The following EFEMP1 variants were observed in gnomAD, a reference collection of about 807,000 sequenced individuals.
EFEMP1 encodes EGF-containing fibulin-like extracellular matrix protein 1.
EFEMP1 carries 18 observed loss-of-function variants against 65.7 expected under a neutral mutation model. The observed-to-expected ratio is 0.27, with a 90% CI of 0.19 to 0.41. The LOEUF (loss-of-function observed/expected upper bound fraction) is 0.41, where lower values mean the gene tolerates loss of function less well. EFEMP1 is among the 10% of genes least tolerant of loss of function. The probability of loss-of-function intolerance (pLI) is 1.00; values close to 1 mark genes in which losing one functional copy is unlikely to be tolerated. For missense variants in EFEMP1, 469 were observed against 624.8 expected, an observed-to-expected ratio of 0.75 and a Z score of 2.66; for synonymous variants, 237 against 219.7, an observed-to-expected ratio of 1.08 and a Z score of -0.70.
chr2:55,898,626 T>C (rs1022198344), intron 5 of EFEMP1, among the ~76,000 whole-genome samples: 7 of 152,136 alleles, frequency 4.6e-5, no homozygotes, highest in African/African-American at 1.7e-4. Flanking sequence ...TGTAAATGTA[T>C]TTTTTTCCTC....
intron 5 of EFEMP1, among the ~76,000 whole-genome samples, chr2:55,914,488 G>T (rs1670602689): frequency 6.6e-6 from 1 of 152,096 alleles, no homozygotes; most frequent in African/African-American, 2.4e-5. Flanking sequence ...ATAAAATAGT[G>T]TACATTTAAA....
chr2:55,913,317 T>A (rs1383090014), intron 5 of EFEMP1, among the ~76,000 whole-genome samples: 3 of 152,168 alleles, frequency 2.0e-5, no homozygotes, highest in Non-Finnish European at 4.4e-5. Context: ...GGTATGTTTT[T>A]TTCATATTTC....
chr2:55,889,442 T>G (rs1266642400), intron 5 of EFEMP1, among the ~76,000 whole-genome samples: 2 of 152,190 alleles, frequency 1.3e-5, no homozygotes, highest in African/African-American at 4.8e-5. Flanking sequence ...TCCTGCCCAT[T>G]TCATTATATC....
At chr2:55,898,081 C>G (rs1315342982) in intron 5 of EFEMP1, among the ~76,000 whole-genome samples, 3 of 152,166 alleles carry the variant, frequency 2.0e-5, no homozygotes, top group Non-Finnish European at 4.4e-5. Flanking sequence ...TTCCTTCAGT[C>G]ATACACTACG....
At chr2:55,897,077 G>A (rs918965996) in intron 5 of EFEMP1, among the ~76,000 whole-genome samples, 2 of 152,128 alleles carry the variant, frequency 1.3e-5, no homozygotes, top group African/African-American at 4.8e-5. Flanking sequence ...CGGAGGCCTG[G>A]TGTCACCTTC....
In EFEMP1 at chr2:55,913,743, C is replaced by T. The variant is rs1460196901; in HGVS notation, c.517+3922G>A. Among the ~76,000 whole-genome samples the T allele has an allele frequency of 2.6e-5, 4 of 152,210 alleles. No individual in the cohort carries two copies. In the East Asian group the frequency reaches 7.7e-4, roughly 29 times the overall value. ...TAGAGACTATTGCCAGGTACAGTGG[C>T]TCAGGCCTGTAACACCAGCACTTTG... On this transcript the variant is annotated intron_variant, in intron 5 of 11. Coordinates refer to ENST00000355426, the MANE Select transcript of EFEMP1 (RefSeq NM_001039348.3).
At chr2:55,876,822 C>A in intron 7 of EFEMP1, 80 bp from the exon 8 acceptor site, 2 of 898,312 alleles carry the variant, frequency 2.2e-6, no homozygotes, top group South Asian at 6.3e-5. Context: ...TAAACATATC[C>A]TTACTCTTTT....
chr2:55,895,604 C>T (rs1055434242), intron 5 of EFEMP1, among the ~76,000 whole-genome samples: 1 of 150,568 alleles, frequency 6.6e-6, no homozygotes. Flanking sequence ...TGCAGTGGCG[C>T]GATCTCGGCT....
chr2:55,889,984 A>G (rs1338483400), intron 5 of EFEMP1, among the ~76,000 whole-genome samples: 1 of 152,112 alleles, frequency 6.6e-6, no homozygotes, highest in African/African-American at 2.4e-5. Context: ...ACCTAAACAT[A>G]TCAGTGGTTA....
intron 5 of EFEMP1, among the ~76,000 whole-genome samples, chr2:55,911,361 C>T (rs1008549569): frequency 2.0e-5 from 3 of 152,010 alleles, no homozygotes; most frequent in African/African-American, 4.8e-5. Flanking sequence ...AGTATTCTGA[C>T]CCTGCCCTCT....
chr2:55,906,032 T>G (rs947399123), intron 5 of EFEMP1, among the ~76,000 whole-genome samples: 1 of 152,208 alleles, frequency 6.6e-6, no homozygotes, highest in African/African-American at 2.4e-5. Context: ...ATTTAACATT[T>G]TTTTGAATGA....
chr2:55,873,931 A>ACT lies in EFEMP1; in HGVS notation c.1000+1013_1000+1014dup. 6.6e-6 allele frequency among the ~76,000 whole-genome samples: 1 copy of ACT among 151,866 alleles called. No individual in the cohort carries two copies. The highest frequency in any genetic ancestry group is 1.9e-4 in the East Asian group (1 of 5,182). On this transcript the variant is annotated intron_variant, in intron 9 of 11. Coordinates refer to ENST00000355426, the MANE Select transcript of EFEMP1 (RefSeq NM_001039348.3). This position sits in a 1 kb window ranked among gnomAD's most constrained non-coding sequence, Gnocchi z 4.6. Reference sequence around the variant, plus strand: ...TTCACTCCAACTCTGATTAAAAAGGACTCTCTACAGAAGACGTACTACTGG... The same window carrying ACT: ...TTCACTCCAACTCTGATTAAAAAGGACTCTCTCTACAGAAGACGTACTACTGG...
intron 5 of EFEMP1, among the ~76,000 whole-genome samples, chr2:55,905,815 A>G (rs1253121223): frequency 6.6e-6 from 1 of 152,154 alleles, no homozygotes; most frequent in Non-Finnish European, 1.5e-5. Flanking sequence ...AGTTTTTACA[A>G]TGAAATTAGA....
intron 5 of EFEMP1, among the ~76,000 whole-genome samples, chr2:55,906,222 CTTTTT>C (rs577782138): frequency 2.3e-5 from 3 of 129,790 alleles, no homozygotes; most frequent in African/African-American, 2.9e-5. Flanking sequence ...AGCCCTGCAT[CTTTTT>C]TTTTTTTTTT....
chr2:55,904,988 T>C (rs1349311214), intron 5 of EFEMP1, among the ~76,000 whole-genome samples: 1 of 127,060 alleles, frequency 7.9e-6, no homozygotes, highest in Non-Finnish European at 1.7e-5. Flanking sequence ...TCTTTTTCTT[T>C]TTTTTTTTTT....
At position 55,911,470 on chromosome 2, in the gene EFEMP1, T is replaced by A. The variant is rs538537608; in HGVS notation, c.517+6195A>T. Among the ~76,000 whole-genome samples, 126 of 151,964 alleles carry A rather than the reference T, an allele frequency of 8.3e-4. 2 individuals carry two copies. The highest frequency in any genetic ancestry group is 1.5e-3 in the Admixed American group (23 of 15,236). ...ATTGTTAAAACAATATATAGTTATA[T>A]GTTATATAACTATATGTAGTTATAT... On this transcript the variant is annotated intron_variant, in intron 5 of 11. Transcript: ENST00000355426.
At chr2:55,918,309 T>G (rs540267523) in intron 3 of EFEMP1, 42 bp from the exon 4 acceptor site, 1 of 1,609,846 alleles carries the variant, frequency 6.2e-7, no homozygotes, top group South Asian at 1.1e-5. Context: ...AGACAGTTAA[T>G]TGGTGTGTCC....
In EFEMP1 at chr2:55,873,061, TC is replaced by T. The variant is rs2104374222; in HGVS notation, c.1000+1884del. ...GTGTATTCTTTTGTCTCTCTGTCTCTCTCTCCACACACACACACACACACAC... is the reference window on the plus strand; with the variant it reads ...GTGTATTCTTTTGTCTCTCTGTCTCTTCTCCACACACACACACACACACAC... On this transcript the variant is annotated intron_variant, in intron 9 of 11. Transcript: ENST00000355426. This position sits in a 1 kb window ranked among gnomAD's most constrained non-coding sequence, Gnocchi z 4.6. 1.3e-5 allele frequency among the ~76,000 whole-genome samples: 1 copy of T among 78,830 alleles called. No homozygotes were observed. Among genetic ancestry groups the T allele is most frequent in the East Asian group, 6.3e-4 (1 of 1,580 alleles). The allele number at this position is 78,830 out of a possible 152,430, so 51.7% of individuals were successfully genotyped here.
At chr2:55,897,879 G>A (rs1470478649) in intron 5 of EFEMP1, among the ~76,000 whole-genome samples, 1 of 152,128 alleles carries the variant, frequency 6.6e-6, no homozygotes, top group African/African-American at 2.4e-5. Flanking sequence ...GGGGGGTTGT[G>A]GGGTAGAATG....
Sources: gnomAD v4.1 joint callset for allele counts (sites outside exome capture counted in the v4.1 genomes callset) on GRCh38, gnomAD v4.1.1 for gene constraint, Gnocchi (gnomAD v3.1) non-coding constraint, MANE v1.5 for transcripts, NCBI Gene and HGNC (gene_info 2026-07-23, HGNC 2026-07-21) for gene names.